Variants in HP1BP3 observed in about 807,000 individuals in gnomAD.
HP1BP3 encodes heterochromatin protein 1 binding protein 3.
HP1BP3 carries 12 observed loss-of-function variants against 62.5 expected under a neutral mutation model. The ratio of observed to expected loss-of-function variants is 0.19; its 90% confidence interval spans 0.12 to 0.31. The LOEUF (loss-of-function observed/expected upper bound fraction) is 0.31, where lower values mean the gene tolerates loss of function less well. Among genes scored for constraint, HP1BP3 ranks in the 10% least tolerant of loss-of-function variants. The pLI is 1.00. For synonymous variants in HP1BP3, 260 were observed against 237.8 expected (o/e 1.09, Z -0.86); for missense variants, 502 against 651.8 (o/e 0.77, Z 2.50).
At chr1:20,782,092 C>T (rs757670630) in intron 1 of HP1BP3, among the ~76,000 whole-genome samples, 1 of 152,144 alleles carries the variant, frequency 6.6e-6, no homozygotes, top group Non-Finnish European at 1.5e-5. Context: ...GCTGAAAATG[C>T]TACCGTGAAG....
chr1:20,773,743 A>C (rs1309800000), intron 4 of HP1BP3, 133 bp from the exon 5 acceptor site: 1 of 544,764 alleles, frequency 1.8e-6, no homozygotes, highest in East Asian at 3.3e-5. Flanking sequence ...GACATGTACC[A>C]TAAGCAAAAT....
intron 3 of HP1BP3, 79 bp downstream of exon 3, chr1:20,779,733 A>T: frequency 1.2e-6 from 1 of 835,574 alleles, no homozygotes; most frequent in Non-Finnish European, 1.8e-6. Context: ...AAAACAATTA[A>T]GTTCAAAGGA....
At chr1:20,776,244 G>A (rs545044311) in intron 4 of HP1BP3, 3 of 441,344 alleles carry the variant, frequency 6.8e-6, no homozygotes, top group South Asian at 5.2e-5. Context: ...GAATAAAATA[G>A]TGAAATGTCT....
At position 20,759,880 on chromosome 1, in the gene HP1BP3, A is replaced by ATTTTTT. The variant is rs71014104; in HGVS notation, c.891-2630_891-2625dup. ...GCCTTGTGGGCCATTTTAAAGACCG[A>ATTTTTT]TTTTTTTTTTTTTTTTTTTTTGCCC... On this transcript the variant is annotated intron_variant, in intron 8 of 12. Coordinates refer to ENST00000438032, the MANE Select transcript of HP1BP3 (RefSeq NM_001372052.1). Among the ~76,000 whole-genome samples, 271 of 113,014 alleles carry ATTTTTT rather than the reference A, an allele frequency of 2.4e-3. 9 individuals are homozygous for ATTTTTT. Among genetic ancestry groups the ATTTTTT allele is most frequent in the African/African-American group, 8.7e-3 (253 of 29,238 alleles). 74.1% of individuals were successfully genotyped at this position (113,014 alleles called of 152,430 possible). A position where few individuals can be genotyped will look rare whatever the true frequency, so the allele number is the denominator to read the frequency against.
rs1331235418 is a variant in HP1BP3, at chr1:20,757,169, G to A, written c.978C>T (p.Phe326=). The A allele has an allele frequency of 6.2e-7, 1 of 1,605,264 alleles. No individual in the cohort carries two copies. The highest frequency in any genetic ancestry group is 1.1e-5 in the South Asian group (1 of 90,570). Reference sequence around the variant, plus strand: ...AACCAGGCCTCTGATCTCTAACCTGGAATGTCCCCGAAGCACCTTTGCCAG... The same window carrying A: ...AACCAGGCCTCTGATCTCTAACCTGAAATGTCCCCGAAGCACCTTTGCCAG... The part of the protein sequence containing the change: ...QITGKGASGT[F]QLKKSGEKPL... The change falls in exon 9 of 13, where the codon TTC becomes TTT. Residue 326 remains phenylalanine, a synonymous_variant. Coordinates refer to ENST00000438032, the MANE Select transcript of HP1BP3 (RefSeq NM_001372052.1).
chr1:20,744,845 C>T lies in HP1BP3; in HGVS notation c.1614G>A (p.Pro538=), dbSNP rs768626587. ...TCTTCATGGTGGATTTGCCCTTGCC[C>T]GGCAATTTTACTTCCTTTCTTGCAC... ...ATSARKEVKL[P]GKGKSTMKKS... Residue 538 remains proline (P), a synonymous_variant, in exon 13 of 13, where the codon CCG becomes CCA. Coordinates refer to ENST00000438032, the MANE Select transcript of HP1BP3 (RefSeq NM_001372052.1). 1.8e-5 allele frequency: 29 copies of T among 1,613,520 alleles called. No homozygotes were observed. Among genetic ancestry groups the T allele is most frequent in the African/African-American group, 6.7e-5 (5 of 74,898 alleles).
chr1:20,774,425 A>C (rs2057205178), intron 4 of HP1BP3: 2 of 152,176 alleles, frequency 1.3e-5, no homozygotes, highest in South Asian at 4.1e-4. Context: ...TATACTTATG[A>C]AACTCAGATA....
chr1:20,780,410 C>G lies in HP1BP3; in HGVS notation c.31G>C (p.Val11Leu), dbSNP rs368456823. The G allele has an allele frequency of 6.2e-7, 1 of 1,613,686 alleles. No individual in the cohort carries two copies. Among genetic ancestry groups the G allele is most frequent in the African/African-American group, 1.3e-5 (1 of 74,880 alleles). Residue 11 changes from valine to leucine, a missense_variant, in exon 2 of 13, where the codon GTC (valine) becomes CTC (leucine). By Grantham distance (32) the Val-to-Leu change is conservative (BLOSUM62 1). Around this residue, in one of 5 missense-constraint regions of HP1BP3, gnomAD observed 165 missense variants for 156.4 expected, o/e 1.05. Transcript: ENST00000438032. MATDTSQGEL[V>L]HPKALPLIVG... ...ATAAGTGGGAGTGCCTTAGGATGGA[C>G]GAGTTCACCTTGAGACGTATCAGTC... is the stretch of plus-strand genomic sequence containing the variant.
chr1:20,779,768 G>T, intron 3 of HP1BP3, 44 bp downstream of exon 3: 2 of 1,296,664 alleles, frequency 1.5e-6, no homozygotes, highest in Non-Finnish European at 2.2e-6. Flanking sequence ...CCAAATTGCA[G>T]TATAACTTTT....
intron 1 of HP1BP3, among the ~76,000 whole-genome samples, chr1:20,785,892 G>C (rs1054381837): frequency 6.6e-6 from 1 of 152,194 alleles, no homozygotes; most frequent in Non-Finnish European, 1.5e-5. Context: ...CAAAATTAGA[G>C]CACCTTTCAA....
intron 9 of HP1BP3, among the ~76,000 whole-genome samples, chr1:20,750,451 C>T (rs1483802032): frequency 6.6e-6 from 1 of 151,536 alleles, no homozygotes; most frequent in Non-Finnish European, 1.5e-5. Context: ...TCACTTGAAC[C>T]CAAGACGCGG....
chr1:20,770,003 C>G (rs913198155), intron 6 of HP1BP3, among the ~76,000 whole-genome samples: 1 of 152,118 alleles, frequency 6.6e-6, no homozygotes, highest in Non-Finnish European at 1.5e-5. Context: ...TACCGTAAGA[C>G]CTTAGCAGTT....
intron 3 of HP1BP3, among the ~76,000 whole-genome samples, chr1:20,777,117 A>G (rs894549739): frequency 1.3e-5 from 2 of 152,152 alleles, no homozygotes; most frequent in Non-Finnish European, 2.9e-5. Flanking sequence ...TTAAAAACTC[A>G]TGTATTCTCC....
At chr1:20,781,803 T>C (rs1446624852) in intron 1 of HP1BP3, among the ~76,000 whole-genome samples, 1 of 152,086 alleles carries the variant, frequency 6.6e-6, no homozygotes, top group Non-Finnish European at 1.5e-5. Context: ...ATTTTGTATT[T>C]TTAGTAGAGA....
At chr1:20,764,495 C>CTGG (rs1359346510) in intron 8 of HP1BP3, among the ~76,000 whole-genome samples, 3 of 151,876 alleles carry the variant, frequency 2.0e-5, no homozygotes, top group Non-Finnish European at 4.4e-5. Context: ...ACATGCCCAC[C>CTGG]ACCACAGCCA....
intron 11 of HP1BP3, among the ~76,000 whole-genome samples, 157 bp downstream of exon 11, chr1:20,747,387 T>C (rs1351756859): frequency 4.6e-5 from 7 of 152,194 alleles, no homozygotes; most frequent in Admixed American, 6.5e-5. Context: ...CATGCGCATT[T>C]GGGTATGCGG....
Position 20,745,550 on chromosome 1 carries a change from T to G in HP1BP3, c.1360A>C (p.Lys454Gln). The change falls in exon 12 of 13, where the codon AAG becomes CAG. Residue 454 changes from lysine to glutamine, a missense_variant. Transcript: ENST00000438032. ...GTTTTCACATGTCCACACCTTCTCT[T>G]AGGTGGCGGCTCTTCATCCTCAGAG... ...EDSEDEEPPP[K>Q]RRLQKKTPAK... The G allele has an allele frequency of 1.2e-6, 2 of 1,614,092 alleles. No homozygotes were observed. The highest frequency in any genetic ancestry group is 1.7e-6 in the Non-Finnish European group (2 of 1,179,954).
At chr1:20,753,646 A>C (rs1445039821) in intron 9 of HP1BP3, among the ~76,000 whole-genome samples, 1 of 152,256 alleles carries the variant, frequency 6.6e-6, no homozygotes, top group Non-Finnish European at 1.5e-5. Context: ...ATGAATTTTA[A>C]GGTAACACAG....
intron 9 of HP1BP3, among the ~76,000 whole-genome samples, chr1:20,756,518 T>A (rs1282574262): frequency 1.3e-5 from 2 of 151,858 alleles, no homozygotes; most frequent in African/African-American, 4.8e-5. Flanking sequence ...TACAGTGAGC[T>A]GTGATTGTGC....
Sources: gnomAD v4.1 joint callset for allele counts (sites outside exome capture counted in the v4.1 genomes callset) on GRCh38, gnomAD v4.1.1 for gene constraint, gnomAD v4.1.1 regional missense constraint, MANE v1.5 for transcripts, NCBI Gene and HGNC (gene_info 2026-07-23, HGNC 2026-07-21) for gene names.